The following SERPINI1 variants were observed in gnomAD, a reference collection of about 807,000 sequenced individuals.
SERPINI1 encodes the protein serpin family I member 1, also known as neuroserpin.
In SERPINI1, 19 loss-of-function variants were observed where a neutral mutation model predicts 41.1. That is an observed-to-expected ratio of 0.46 (90% CI 0.32 to 0.68). The LOEUF (loss-of-function observed/expected upper bound fraction) is 0.68. SERPINI1 is among the 30% of genes least tolerant of loss of function. The probability of loss-of-function intolerance (pLI) is 0.03; values close to 1 mark genes in which losing one functional copy is unlikely to be tolerated. For synonymous variants in SERPINI1, 138 were observed against 156.6 expected, an observed-to-expected ratio of 0.88 and a Z score of 0.89; for missense variants, 460 against 479.2, an observed-to-expected ratio of 0.96 and a Z score of 0.37.
chr3:167,782,033 T>C (rs71304652), intron 1 of SERPINI1, among the ~76,000 whole-genome samples: 10,754 of 152,196 alleles, frequency 0.071, 660 homozygotes, highest in African/African-American at 0.16. Flanking sequence ...AGTTTATTCA[T>C]AGCTAACCTA....
At chr3:167,799,820 G>A (rs966003009) in intron 5 of SERPINI1, among the ~76,000 whole-genome samples, 5 of 152,038 alleles carry the variant, frequency 3.3e-5, no homozygotes, top group Admixed American at 6.6e-5. Context: ...TTTTTCATAT[G>A]TTTGTTGGCC....
intron 6 of SERPINI1, among the ~76,000 whole-genome samples, chr3:167,810,626 G>C (rs1196870116): frequency 6.6e-6 from 1 of 152,178 alleles, no homozygotes; most frequent in African/African-American, 2.4e-5. Flanking sequence ...GGAGAATCTT[G>C]CCTTGATATT....
chr3:167,744,860 T>G (rs1559993080), intron 1 of SERPINI1, among the ~76,000 whole-genome samples: 1 of 132,026 alleles, frequency 7.6e-6, no homozygotes, highest in Admixed American at 8.2e-5. Flanking sequence ...TAGTTATATA[T>G]ATATATAAAT....
chr3:167,797,711 G>T (rs926857303), intron 5 of SERPINI1, among the ~76,000 whole-genome samples: 2 of 148,328 alleles, frequency 1.3e-5, no homozygotes, highest in Non-Finnish European at 3.0e-5. Context: ...TATTCTTAAG[G>T]AGAGGTAGTT....
chr3:167,808,286 A>AG (rs1711728698), intron 6 of SERPINI1, among the ~76,000 whole-genome samples: 1 of 133,472 alleles, frequency 7.5e-6, no homozygotes. Context: ...TTTTTTTCAG[A>AG]GTAAAAAAAA....
chr3:167,771,847 G>GTGTA (rs10658292), intron 1 of SERPINI1, among the ~76,000 whole-genome samples: 14,337 of 149,768 alleles, frequency 0.096, 709 homozygotes, highest in Admixed American at 0.11. Context: ...GTGTGTGTGT[G>GTGTA]CGCGCACGCG....
chr3:167,811,071 C>T (rs913852573), intron 6 of SERPINI1, among the ~76,000 whole-genome samples: 1 of 152,006 alleles, frequency 6.6e-6, no homozygotes, highest in Non-Finnish European at 1.5e-5. Flanking sequence ...TCCACAGTTA[C>T]TTCCTACAAT....
intron 1 of SERPINI1, among the ~76,000 whole-genome samples, chr3:167,740,519 T>C (rs1402933301): frequency 6.6e-6 from 1 of 152,238 alleles, no homozygotes; most frequent in Non-Finnish European, 1.5e-5. Context: ...TATTTGGTAA[T>C]CTATAATGAA....
At chr3:167,744,912 G>A (rs1290573338) in intron 1 of SERPINI1, among the ~76,000 whole-genome samples, 1 of 142,342 alleles carries the variant, frequency 7.0e-6, no homozygotes, top group South Asian at 2.1e-4. Context: ...ATTGAAGGGT[G>A]CCAAGCCAGT....
chr3:167,820,715 G>A (rs893596081), intron 6 of SERPINI1, among the ~76,000 whole-genome samples: 3 of 152,208 alleles, frequency 2.0e-5, no homozygotes, highest in South Asian at 4.1e-4. Context: ...CATGGGTACT[G>A]TGGAGGGCAG....
chr3:167,790,562 G>C lies in SERPINI1; in HGVS notation c.441G>C (p.Val147=). Residue 147 remains valine (V), a synonymous_variant, in exon 3 of 9, where the codon GTG becomes GTC. Coordinates refer to ENST00000446050, the MANE Select transcript of SERPINI1 (RefSeq NM_001122752.2). ...NHVDFSQNVA[V]ANYINKWVEN... The stretch of plus-strand genomic sequence containing the variant: ...TGGACTTCAGTCAAAATGTAGCCGT[G>C]GCCAACTACATCAATAAGTGGGTGG... The C allele has an allele frequency of 6.2e-7, 1 of 1,613,796 alleles. No homozygotes were observed. Among genetic ancestry groups the C allele is most frequent in the Non-Finnish European group, 8.5e-7 (1 of 1,179,844 alleles).
chr3:167,787,716 A>C, intron 1 of SERPINI1, among the ~76,000 whole-genome samples: 1 of 152,346 alleles, frequency 6.6e-6, no homozygotes, highest in African/African-American at 2.4e-5. Flanking sequence ...ACAAGCAATA[A>C]CTATTTAAAC....
At chr3:167,752,981 G>T (rs1019403293) in intron 1 of SERPINI1, among the ~76,000 whole-genome samples, 1 of 152,000 alleles carries the variant, frequency 6.6e-6, no homozygotes, top group Non-Finnish European at 1.5e-5. Flanking sequence ...TTTATTCATT[G>T]CACTTAACAC....
chr3:167,809,290 A>G (rs960546194), intron 6 of SERPINI1, among the ~76,000 whole-genome samples: 2 of 152,198 alleles, frequency 1.3e-5, no homozygotes, highest in African/African-American at 4.8e-5. Flanking sequence ...CTGTCTTACC[A>G]TACTGGCCAA....
chr3:167,754,678 A>G (rs1468649379), intron 1 of SERPINI1, among the ~76,000 whole-genome samples: 2 of 152,252 alleles, frequency 1.3e-5, no homozygotes, highest in Non-Finnish European at 2.9e-5. Flanking sequence ...GGTATAATCC[A>G]GAAGGGAAGT....
At chr3:167,768,062 G>T (rs187957905) in intron 1 of SERPINI1, among the ~76,000 whole-genome samples, 15 of 152,296 alleles carry the variant, frequency 9.8e-5, no homozygotes, top group Non-Finnish European at 1.6e-4. Flanking sequence ...TGGGTAAAAT[G>T]CTATCAAACA....
intron 7 of SERPINI1, 113 bp downstream of exon 7, chr3:167,823,185 C>T (rs1019368963): frequency 2.6e-6 from 2 of 781,840 alleles, no homozygotes; most frequent in Admixed American, 1.9e-5. Context: ...TCTGCTCTAA[C>T]TTAGAAGTCA....
intron 1 of SERPINI1, among the ~76,000 whole-genome samples, chr3:167,749,982 G>A (rs937007449): frequency 6.6e-6 from 1 of 152,242 alleles, no homozygotes; most frequent in East Asian, 1.9e-4. Context: ...GAGCCAGAAA[G>A]TTTTAAAAAA....
intron 1 of SERPINI1, among the ~76,000 whole-genome samples, chr3:167,768,524 C>T (rs1726637380): frequency 6.6e-6 from 1 of 152,126 alleles, no homozygotes; most frequent in Non-Finnish European, 1.5e-5. Flanking sequence ...AAAAATCTGA[C>T]TTGTGGGTTA....
Sources: gnomAD v4.1 joint callset for allele counts (sites outside exome capture counted in the v4.1 genomes callset) on GRCh38, gnomAD v4.1.1 for gene constraint, MANE v1.5 for transcripts, NCBI Gene and HGNC (gene_info 2026-07-23, HGNC 2026-07-21) for gene names.